PIBF1: variants seen among roughly 807,000 people sequenced by gnomAD.
The protein encoded by PIBF1 is progesterone immunomodulatory binding factor 1.
Under a neutral mutation model 112.5 loss-of-function variants are expected in PIBF1, and 90 were observed. The observed-to-expected ratio is 0.80, with a 90% CI of 0.67 to 0.95. The LOEUF (loss-of-function observed/expected upper bound fraction) is 0.95. Among genes scored for constraint, PIBF1 ranks in the 40% least tolerant of loss-of-function variants. PIBF1 has a pLI of 0.00. For missense variants in PIBF1, 915 were observed against 852.3 expected (o/e 1.07, Z -0.92); for synonymous variants, 301 against 288.6 (o/e 1.04, Z -0.44).
chr13:72,961,514 A>T (rs147220756), intron 14 of PIBF1, among the ~76,000 whole-genome samples: 1 of 152,194 alleles, frequency 6.6e-6, no homozygotes, highest in Admixed American at 6.5e-5. Flanking sequence ...CTTTAATGGA[A>T]CTTTTTAGCA....
chr13:73,000,093 A>G (rs2043807719), intron 17 of PIBF1, among the ~76,000 whole-genome samples: 2 of 152,228 alleles, frequency 1.3e-5, no homozygotes, highest in African/African-American at 2.4e-5. Context: ...TACGTGTGGC[A>G]GTAATGTAGA....
intron 17 of PIBF1, among the ~76,000 whole-genome samples, chr13:73,013,300 CAAAAAAAAAAAAAA>C (rs869055620): frequency 6.8e-5 from 1 of 14,658 alleles, no homozygotes. Context: ...GACTCTGTCT[CAAAAAAAAAAAAAA>C]AAAAAAAAAA....
chr13:72,953,362 G>A (rs2042354515), intron 14 of PIBF1, among the ~76,000 whole-genome samples: 1 of 152,072 alleles, frequency 6.6e-6, no homozygotes, highest in Non-Finnish European at 1.5e-5. Context: ...TCCGTAATGT[G>A]CGGCACTCCC....
chr13:72,794,176 T>A (rs1380616361), intron 3 of PIBF1, among the ~76,000 whole-genome samples: 1 of 152,190 alleles, frequency 6.6e-6, no homozygotes, highest in East Asian at 1.9e-4. Context: ...AGCTCTATCA[T>A]TAGATCATGG....
intron 5 of PIBF1, among the ~76,000 whole-genome samples, chr13:72,805,507 C>G (rs774953812): frequency 6.6e-6 from 1 of 152,172 alleles, no homozygotes; most frequent in Non-Finnish European, 1.5e-5. Context: ...AAAAGATCTT[C>G]ATAAAGTGAT....
At chr13:72,939,483 G>A (rs934962117) in intron 14 of PIBF1, among the ~76,000 whole-genome samples, 3 of 152,112 alleles carry the variant, frequency 2.0e-5, no homozygotes, top group African/African-American at 7.2e-5. Flanking sequence ...CATACAATAT[G>A]TGACGTTTTG....
chr13:72,953,413 C>T (rs896295829), intron 14 of PIBF1, among the ~76,000 whole-genome samples: 2 of 152,132 alleles, frequency 1.3e-5, no homozygotes, highest in Admixed American at 6.5e-5. Flanking sequence ...TCCTGCTACT[C>T]CTCTGGGTCT....
chr13:72,982,744 A>G lies in PIBF1; in HGVS notation c.2049+9069A>G, dbSNP rs557030552. 7.2e-5 allele frequency among the ~76,000 whole-genome samples: 11 copies of G among 152,326 alleles called. No individual in the cohort carries two copies. In the East Asian group the frequency reaches 2.1e-3, roughly 29 times the overall value. ...CAAATAGAAAGCTTTAGAAACTGTC[A>G]TCAAAAAATAAGTGTCACTCTGATA... On this transcript the variant is annotated intron_variant, in intron 16 of 17. Transcript: ENST00000326291.
intron 13 of PIBF1, among the ~76,000 whole-genome samples, chr13:72,921,323 G>A (rs1403773043): frequency 6.6e-6 from 1 of 151,946 alleles, no homozygotes; most frequent in Admixed American, 6.6e-5. Flanking sequence ...GGCTGGTCTC[G>A]AGTGATCTCA....
chr13:72,792,689 C>A, intron 3 of PIBF1, 142 bp downstream of exon 3: 1 of 543,600 alleles, frequency 1.8e-6, no homozygotes, highest in Non-Finnish European at 3.2e-6. Context: ...ACCTAGACCA[C>A]AAAAAAAGTA....
chr13:72,806,335 C>T (rs1338823023), intron 5 of PIBF1, among the ~76,000 whole-genome samples: 1 of 151,430 alleles, frequency 6.6e-6, no homozygotes, highest in African/African-American at 2.4e-5. Flanking sequence ...GCATAATGCC[C>T]TCAGGGTTTA....
intron 4 of PIBF1, among the ~76,000 whole-genome samples, chr13:72,796,574 A>G (rs2035210309): frequency 6.6e-6 from 1 of 151,422 alleles, no homozygotes. Flanking sequence ...GGTGGTTGCT[A>G]TTCTTGGTTC....
chr13:72,964,102 A>G (rs1193365743), intron 14 of PIBF1, among the ~76,000 whole-genome samples: 1 of 152,250 alleles, frequency 6.6e-6, no homozygotes, highest in Non-Finnish European at 1.5e-5. Flanking sequence ...TCAAGAGATC[A>G]ATGGATAAAC....
At chr13:73,002,193 G>T (rs759809594) in intron 17 of PIBF1, among the ~76,000 whole-genome samples, 43 of 152,080 alleles carry the variant, frequency 2.8e-4, no homozygotes, top group South Asian at 4.2e-4. Flanking sequence ...ATTTGCTGAA[G>T]AGAAAAAAAG....
chr13:73,004,251 G>A (rs542017762), intron 17 of PIBF1, among the ~76,000 whole-genome samples: 1 of 152,226 alleles, frequency 6.6e-6, no homozygotes, highest in African/African-American at 2.4e-5. Flanking sequence ...AACACTTTGG[G>A]AGGCCGAGGT....
chr13:73,012,269 TTGAACCTGGGAGGC>T (rs1036851343), intron 17 of PIBF1, among the ~76,000 whole-genome samples: 1 of 152,056 alleles, frequency 6.6e-6, no homozygotes, highest in African/African-American at 2.4e-5. Context: ...GGAGAGTTGC[TTGAACCTGGGAGGC>T]CAAGGTTGCA....
intron 13 of PIBF1, among the ~76,000 whole-genome samples, chr13:72,924,231 C>A (rs142470414): frequency 6.6e-6 from 1 of 151,922 alleles, no homozygotes; most frequent in Non-Finnish European, 1.5e-5. Flanking sequence ...GTATCTAAGA[C>A]ATTTGCCTTC....
intron 7 of PIBF1, 23 bp downstream of exon 7, chr13:72,827,141 T>TC: frequency 2.4e-6 from 3 of 1,238,882 alleles, no homozygotes; most frequent in Non-Finnish European, 3.5e-6. Context: ...TTAGAGTCAC[T>TC]TATATTATAT....
At chr13:72,946,133 A>T (rs777567166) in intron 14 of PIBF1, among the ~76,000 whole-genome samples, 1 of 152,150 alleles carries the variant, frequency 6.6e-6, no homozygotes. Flanking sequence ...AAGAGGTTTC[A>T]TTGACTCACA....
Sources: allele counts gnomAD v4.1 joint callset (sites outside exome capture counted in the v4.1 genomes callset), GRCh38; gene constraint gnomAD v4.1.1; transcripts MANE v1.5; gene names NCBI Gene and HGNC (gene_info 2026-07-23, HGNC 2026-07-21).